SORCS3: variants seen among roughly 807,000 people sequenced by gnomAD.
The protein encoded by SORCS3 is VPS10 domain-containing receptor SorCS3.
A neutral mutation model predicts 146.3 loss-of-function variants in SORCS3; 57 were observed. The ratio of observed to expected loss-of-function variants is 0.39; its 90% confidence interval spans 0.31 to 0.49. The LOEUF (loss-of-function observed/expected upper bound fraction) is 0.49, where lower values mean the gene tolerates loss of function less well. SORCS3 is among the 20% of genes least tolerant of loss of function. The probability of loss-of-function intolerance (pLI) is 0.92; values close to 1 mark genes in which losing one functional copy is unlikely to be tolerated. For missense variants in SORCS3, 1,341 were observed against 1,575.5 expected (o/e 0.85, Z 2.52); for synonymous variants, 653 against 618.5 (o/e 1.06, Z -0.83).
At chr10:104,867,197 G>T (rs2018468886) in intron 2 of SORCS3, among the ~76,000 whole-genome samples, 1 of 150,618 alleles carries the variant, frequency 6.6e-6, no homozygotes, top group African/African-American at 2.4e-5. Flanking sequence ...GGGTGGGCTT[G>T]GGAGAGGAGA....
In SORCS3 at chr10:105,245,562, C is replaced by T. The variant is rs2056860629; in HGVS notation, c.2889C>T (p.Ser963=). Residue 963 remains serine (S), a synonymous_variant, in exon 21 of 27, where the codon AGC becomes AGT. Coordinates refer to ENST00000369701, the MANE Select transcript of SORCS3 (RefSeq NM_014978.3). ...NSTKPLITLD[S]SISFTFLAEG... The stretch of plus-strand genomic sequence containing the variant: ...TGTAGCCTCTCATCACTTTGGACAG[C>T]AGCATTTCCTTCACATTCCTTGCAG... The T allele has an allele frequency of 6.2e-7, 1 of 1,614,146 alleles. No homozygotes were observed. The highest frequency in any genetic ancestry group is 1.3e-5 in the African/African-American group (1 of 75,066).
At chr10:105,126,761 A>G (rs1021001577) in intron 7 of SORCS3, among the ~76,000 whole-genome samples, 2 of 152,180 alleles carry the variant, frequency 1.3e-5, no homozygotes, top group Non-Finnish European at 2.9e-5. Context: ...TTAGTTGTCC[A>G]TCTACAAAAT....
chr10:104,750,835 A>G (rs2016974536), intron 1 of SORCS3, among the ~76,000 whole-genome samples: 1 of 152,198 alleles, frequency 6.6e-6, no homozygotes, highest in African/African-American at 2.4e-5. Flanking sequence ...GTTCACTATG[A>G]GTCAATTCTG....
chr10:105,219,926 T>C (rs1431141699), intron 19 of SORCS3, among the ~76,000 whole-genome samples: 1 of 152,164 alleles, frequency 6.6e-6, no homozygotes. Flanking sequence ...TCCTTGAAAC[T>C]TTTATCGTGC....
At chr10:104,805,278 C>T (rs2017668437) in intron 1 of SORCS3, among the ~76,000 whole-genome samples, 1 of 152,080 alleles carries the variant, frequency 6.6e-6, no homozygotes, top group South Asian at 2.1e-4. Context: ...AGTTGAAGGG[C>T]CTGGGAAGCT....
chr10:105,197,965 G>A (rs1484236), intron 14 of SORCS3, among the ~76,000 whole-genome samples: 38,781 of 151,988 alleles, frequency 0.26, 4,974 homozygotes, highest in South Asian at 0.36. Flanking sequence ...ACCTTGCAGC[G>A]GACTACTCAC....
At chr10:105,094,866 T>C (rs899639141) in intron 6 of SORCS3, among the ~76,000 whole-genome samples, 4 of 152,264 alleles carry the variant, frequency 2.6e-5, no homozygotes, top group African/African-American at 9.6e-5. Flanking sequence ...GGCTGTAAAT[T>C]ATAATCTGGA....
chr10:105,103,677 A>G (rs1306987612), intron 6 of SORCS3, among the ~76,000 whole-genome samples: 1 of 152,214 alleles, frequency 6.6e-6, no homozygotes, highest in Non-Finnish European at 1.5e-5. Context: ...GGCTGGAGCT[A>G]CTGTGCAGAT....
intron 2 of SORCS3, among the ~76,000 whole-genome samples, chr10:104,907,805 C>T (rs1255847672): frequency 6.6e-6 from 1 of 152,198 alleles, no homozygotes; most frequent in Non-Finnish European, 1.5e-5. Context: ...GTTTCTGAAG[C>T]AGAGGGTGGG....
At chr10:104,685,579 G>T (rs1174047362) in intron 1 of SORCS3, among the ~76,000 whole-genome samples, 2 of 152,194 alleles carry the variant, frequency 1.3e-5, no homozygotes, top group Non-Finnish European at 2.9e-5. Context: ...GCCAAGCAGT[G>T]CCTCTCCCAG....
intron 6 of SORCS3, among the ~76,000 whole-genome samples, chr10:105,090,873 C>T (rs1048665239): frequency 1.3e-5 from 2 of 152,132 alleles, no homozygotes; most frequent in Non-Finnish European, 2.9e-5. Context: ...TGGCTGTTGG[C>T]ATTGTGGTAT....
chr10:104,836,749 C>T (rs2018072856), intron 1 of SORCS3, among the ~76,000 whole-genome samples: 1 of 152,104 alleles, frequency 6.6e-6, no homozygotes, highest in Admixed American at 6.5e-5. Flanking sequence ...CACAGCCTTG[C>T]CGTGTCTCTG....
intron 7 of SORCS3, among the ~76,000 whole-genome samples, chr10:105,135,958 A>G (rs964031575): frequency 2.0e-5 from 3 of 152,150 alleles, no homozygotes; most frequent in African/African-American, 7.2e-5. Flanking sequence ...AAGGGTCCTC[A>G]CCAGAATTGC....
chr10:104,847,149 G>A (rs2018215222), intron 2 of SORCS3, among the ~76,000 whole-genome samples: 1 of 152,164 alleles, frequency 6.6e-6, no homozygotes, highest in Admixed American at 6.5e-5. Context: ...TGCACTCGTG[G>A]ATGCGCGTGT....
rs1157465937 is a variant in SORCS3, at chr10:104,649,595, A to G, written c.627+7641A>G. Among the ~76,000 whole-genome samples, 3 of 152,182 alleles carry G rather than the reference A, an allele frequency of 2.0e-5. 1 individual carries two copies. In the South Asian group the frequency reaches 6.2e-4, roughly 32 times the overall value. ...GAACCCAGTTCTCATCAAGATGCTC[A>G]TTTCAACCACCTCCCATAGTTCATG... On this transcript the variant is annotated intron_variant, in intron 1 of 26. Coordinates refer to ENST00000369701, the MANE Select transcript of SORCS3 (RefSeq NM_014978.3).
chr10:105,235,121 A>G (rs2056785865), intron 20 of SORCS3, among the ~76,000 whole-genome samples: 1 of 152,062 alleles, frequency 6.6e-6, no homozygotes, highest in African/African-American at 2.4e-5. Context: ...GGCTGTAGGT[A>G]GGTATCTATG....
intron 2 of SORCS3, among the ~76,000 whole-genome samples, chr10:104,902,242 T>C (rs1237562169): frequency 3.3e-5 from 5 of 152,216 alleles, no homozygotes; most frequent in Non-Finnish European, 5.9e-5. Context: ...TGATGATTGT[T>C]AACTGGCTGA....
chr10:104,740,431 G>A (rs2016828142), intron 1 of SORCS3, among the ~76,000 whole-genome samples: 1 of 152,196 alleles, frequency 6.6e-6, no homozygotes, highest in South Asian at 2.1e-4. Context: ...TCTGTGTACT[G>A]TTTCGACGCA....
chr10:104,858,645 G>T (rs1233387101), intron 2 of SORCS3, among the ~76,000 whole-genome samples: 2 of 146,980 alleles, frequency 1.4e-5, no homozygotes, highest in African/African-American at 2.5e-5. Flanking sequence ...TTTTTGAGAC[G>T]GAGTCTCGCT....
Sources: allele counts gnomAD v4.1 joint callset (sites outside exome capture counted in the v4.1 genomes callset), GRCh38; gene constraint gnomAD v4.1.1; transcripts MANE v1.5; gene names NCBI Gene and HGNC (gene_info 2026-07-23, HGNC 2026-07-21).